INTU: variants seen among roughly 807,000 people sequenced by gnomAD.
INTU encodes the protein inturned planar cell polarity protein.
INTU carries 68 observed loss-of-function variants against 100.5 expected under a neutral mutation model. The observed-to-expected ratio is 0.68, with a 90% CI of 0.56 to 0.83. The LOEUF is 0.83. Ranked by LOEUF, INTU falls within the 40% of genes least tolerant of loss-of-function variation. INTU has a pLI of 0.00. For missense variants in INTU, 1,071 were observed against 1,114.7 expected, an observed-to-expected ratio of 0.96 and a Z score of 0.56; for synonymous variants, 357 against 395.7, an observed-to-expected ratio of 0.90 and a Z score of 1.16.
At chr4:127,637,759 G>T (rs574804939) in intron 1 of INTU, among the ~76,000 whole-genome samples, 148 of 152,294 alleles carry the variant, frequency 9.7e-4, no homozygotes, top group African/African-American at 3.6e-3. Flanking sequence ...TGTCCTGCCA[G>T]GGTTAGATTG....
chr4:127,710,933 AC>A lies in INTU; in HGVS notation c.2391del (p.Asn797LysfsTer9), dbSNP rs762924686. On this transcript the variant is annotated frameshift_variant, in exon 14 of 16. Coordinates refer to ENST00000335251, the MANE Select transcript of INTU (RefSeq NM_015693.4). LOFTEE classifies it high-confidence loss of function. ...TTAAGACTGACATCTGGTCCTGAGA[AC>A]ACACTTTTCCACTACGTTGCCTTAG... Reference protein sequence around the residue: ...NTVKLTSGPENTLFHYVALET... With the variant: ...NTVKLTSGPEXTLFHYVALET... The A allele has an allele frequency of 9.3e-6, 14 of 1,503,616 alleles. No individual in the cohort carries two copies. The Admixed American group carries it at 1.1e-4, about 11-fold the overall frequency. 93.1% of individuals were successfully genotyped at this position (1,503,616 alleles called of 1,614,324 possible).
intron 1 of INTU, among the ~76,000 whole-genome samples, chr4:127,639,909 T>G (rs535598560): frequency 1.3e-5 from 2 of 152,156 alleles, no homozygotes; most frequent in Non-Finnish European, 2.9e-5. Context: ...GACCAATCTC[T>G]TGATGCTTAC....
At position 127,722,704 on chromosome 4, in the gene INTU, C is replaced by T. The variant is rs543868347; in HGVS notation, c.*6268C>T. ...TGAAGAGGAGTGAATCTGGGTTCCA[C>T]CCCATCTCGCCGGCGCTAGCAGCAA... On this transcript the variant is annotated 3_prime_UTR_variant, in exon 16 of 16. Transcript: ENST00000335251. 6.6e-6 allele frequency: 1 copy of T among 152,476 alleles called. No individual in the cohort carries two copies. Among genetic ancestry groups the T allele is most frequent in the South Asian group, 2.1e-4 (1 of 4,830 alleles). 9.4% of individuals were successfully genotyped at this position (152,476 alleles called of 1,614,324 possible).
chr4:127,652,927 A>G (rs1016415331), intron 2 of INTU, among the ~76,000 whole-genome samples: 18 of 144,582 alleles, frequency 1.2e-4, no homozygotes, highest in African/African-American at 4.4e-4. Flanking sequence ...CAGAGATTCA[A>G]CTTCTTCCTG....
rs1729898046 is a variant in INTU at position 127,687,811 on chromosome 4, G to A, written c.1393G>A (p.Val465Ile). The A allele has an allele frequency of 6.2e-7, 1 of 1,609,126 alleles. No homozygotes were observed. The highest frequency in any genetic ancestry group is 8.5e-7 in the Non-Finnish European group (1 of 1,176,918). The part of the protein sequence containing the change: ...SAQQYDASSA[V>I]LLDNLPGVRW... ...TCAGCAGTACGATGCTTCCAGTGCA[G>A]TACTTTTAGACAACCTCCCTGGAGT... The change falls in exon 8 of 16, where the codon GTA becomes ATA. Residue 465 changes from valine (V) to isoleucine (I), a missense_variant. By Grantham distance (29) the Val-to-Ile change is conservative. Transcript: ENST00000335251.
In INTU at chr4:127,644,069, G is replaced by T; in HGVS notation, c.682+13G>T. On this transcript the variant is annotated intron_variant, in intron 2 of 15. Coordinates refer to ENST00000335251, the MANE Select transcript of INTU (RefSeq NM_015693.4). The stretch of plus-strand genomic sequence containing the variant: ...CAGGTACTCATTGGTAAGTGTTGCT[G>T]GTACACATCCATCCCTGTTTACAGA... The T allele has an allele frequency of 6.2e-7, 1 of 1,601,704 alleles. No homozygotes were observed. Among genetic ancestry groups the T allele is most frequent in the Admixed American group, 1.7e-5 (1 of 58,708 alleles).
At chr4:127,645,866 CTGT>C (rs1727558760) in intron 2 of INTU, among the ~76,000 whole-genome samples, 1 of 151,826 alleles carries the variant, frequency 6.6e-6, no homozygotes, top group Admixed American at 6.6e-5. Context: ...GCCTGGCCAA[CTGT>C]TGTTGTTTTA....
intron 1 of INTU, among the ~76,000 whole-genome samples, chr4:127,642,369 A>G (rs1727372661): frequency 1.3e-5 from 2 of 152,342 alleles, no homozygotes; most frequent in South Asian, 4.1e-4. Flanking sequence ...GTAGCTGAAA[A>G]TTCTGTATTA....
intron 1 of INTU, among the ~76,000 whole-genome samples, chr4:127,641,924 G>A (rs1291245595): frequency 6.6e-6 from 1 of 152,084 alleles, no homozygotes; most frequent in African/African-American, 2.4e-5. Context: ...TGGAAAAGAT[G>A]TTTCTTTTAT....
chr4:127,690,810 G>T (rs1730085744), intron 8 of INTU, among the ~76,000 whole-genome samples: 1 of 151,816 alleles, frequency 6.6e-6, no homozygotes, highest in Non-Finnish European at 1.5e-5. Flanking sequence ...CACCACAGGG[G>T]TACAGTTGTT....
At chr4:127,681,352 A>G (rs2126223631) in intron 6 of INTU, among the ~76,000 whole-genome samples, 1 of 152,338 alleles carries the variant, frequency 6.6e-6, no homozygotes, top group East Asian at 1.9e-4. Flanking sequence ...ACTTCAAACT[A>G]TACTACAAGG....
intron 2 of INTU, among the ~76,000 whole-genome samples, chr4:127,654,537 G>T (rs1238956853): frequency 1.3e-5 from 2 of 152,290 alleles, no homozygotes; most frequent in East Asian, 1.9e-4. Context: ...CTTTAAGAAT[G>T]TTGAATATTG....
intron 12 of INTU, among the ~76,000 whole-genome samples, chr4:127,707,721 T>TA (rs1730947443): frequency 6.6e-6 from 1 of 152,176 alleles, no homozygotes; most frequent in South Asian, 2.1e-4. Flanking sequence ...TTGTAACACT[T>TA]AAAGATTTAA....
At chr4:127,658,492 T>C (rs1728335523) in intron 3 of INTU, among the ~76,000 whole-genome samples, 1 of 152,160 alleles carries the variant, frequency 6.6e-6, no homozygotes, top group Non-Finnish European at 1.5e-5. Context: ...ACTTATTGAT[T>C]AATAGTGAAG....
At position 127,633,010 on chromosome 4, in the gene INTU, A is replaced by G. The variant is rs766238890; in HGVS notation, c.-25A>G. The G allele has an allele frequency of 2.7e-5, 44 of 1,602,454 alleles. No individual in the cohort carries two copies. The highest frequency in any genetic ancestry group is 8.4e-5 in the Admixed American group (5 of 59,684). ...ATAGCTGCGAGATTTGAATTACTCC[A>G]CTCGTAGCTATTGCATTCCTGACGA... On this transcript the variant is annotated 5_prime_UTR_variant, in exon 1 of 16. Coordinates refer to ENST00000335251, the MANE Select transcript of INTU (RefSeq NM_015693.4).
chr4:127,686,440 T>A (rs1729830433), intron 7 of INTU: 1 of 152,300 alleles, frequency 6.6e-6, no homozygotes, highest in Admixed American at 6.5e-5. Context: ...GCGTGATCTT[T>A]CTACATTATT....
chr4:127,666,858 A>T (rs1230898567), intron 4 of INTU, among the ~76,000 whole-genome samples: 1 of 152,284 alleles, frequency 6.6e-6, no homozygotes, highest in Admixed American at 6.5e-5. Flanking sequence ...TCCAGTCTGT[A>T]TTCTCAATGC....
At chr4:127,677,447 A>G (rs1375746531) in intron 6 of INTU, among the ~76,000 whole-genome samples, 2 of 150,740 alleles carry the variant, frequency 1.3e-5, no homozygotes, top group Non-Finnish European at 2.9e-5. Flanking sequence ...GTTCACGAAA[A>G]TCTGCTGTTC....
chr4:127,679,896 A>G (rs1047954637), intron 6 of INTU, among the ~76,000 whole-genome samples: 6 of 152,158 alleles, frequency 3.9e-5, no homozygotes, highest in African/African-American at 1.4e-4. Flanking sequence ...AATCAAATAG[A>G]CGCAATAAAA....
Sources: allele counts gnomAD v4.1 joint callset (sites outside exome capture counted in the v4.1 genomes callset), GRCh38; gene constraint gnomAD v4.1.1; transcripts MANE v1.5; gene names NCBI Gene and HGNC (gene_info 2026-07-23, HGNC 2026-07-21).